Variants in UNC13C observed in about 807,000 individuals in gnomAD.
The protein encoded by UNC13C is unc-13 homolog C.
UNC13C carries 174 observed loss-of-function variants against 245.4 expected under a neutral mutation model. The ratio of observed to expected loss-of-function variants is 0.71; its 90% CI spans 0.63 to 0.80. UNC13C has a LOEUF of 0.80. Ranked by LOEUF, UNC13C falls within the 30% of genes least tolerant of loss-of-function variation. UNC13C has a pLI of 0.00. For synonymous variants in UNC13C, 992 were observed against 895.1 expected, an observed-to-expected ratio of 1.11 and a Z score of -1.93; for missense variants, 2,829 against 2,602.9, an observed-to-expected ratio of 1.09 and a Z score of -1.89.
At chr15:54,507,031 AAGAAGTTAACTT>A (rs1391852312) in intron 22 of UNC13C, 74 bp from the exon 23 acceptor site, 5 of 819,004 alleles carry the variant, frequency 6.1e-6, no homozygotes, top group Non-Finnish European at 9.2e-6. Flanking sequence ...AAAAGACAGC[AAGAAGTTAACTT>A]AGGATTAAAC....
chr15:53,868,993 T>G, the UNC13C span, among the ~76,000 whole-genome samples: 1 of 152,060 alleles, frequency 6.6e-6, no homozygotes, highest in Non-Finnish European at 1.5e-5. Context: ...GCCTGTAGTC[T>G]GGGCTACTCA....
chr15:54,019,953 C>G (rs761577414), intron 2 of UNC13C, among the ~76,000 whole-genome samples: 3 of 152,094 alleles, frequency 2.0e-5, no homozygotes, highest in Non-Finnish European at 4.4e-5. Context: ...TTAAATTACA[C>G]GAGTTACTGA....
intron 13 of UNC13C, among the ~76,000 whole-genome samples, chr15:54,306,108 G>A (rs1256103560): frequency 6.6e-6 from 1 of 151,972 alleles, no homozygotes; most frequent in East Asian, 1.9e-4. Flanking sequence ...CTATTTTGCT[G>A]GTAAACCTGA....
intron 19 of UNC13C, among the ~76,000 whole-genome samples, chr15:54,466,834 A>G (rs1892198519): frequency 6.6e-6 from 1 of 151,946 alleles, no homozygotes; most frequent in Non-Finnish European, 1.5e-5. Flanking sequence ...GAAAAATGTA[A>G]TAAAAGATTA....
At chr15:54,439,149 A>G (rs1890381014) in intron 19 of UNC13C, among the ~76,000 whole-genome samples, 1 of 151,966 alleles carries the variant, frequency 6.6e-6, no homozygotes, top group Non-Finnish European at 1.5e-5. Flanking sequence ...AACTCAACGC[A>G]TCTCTCTCAC....
chr15:53,972,152 A>C, the UNC13C span, among the ~76,000 whole-genome samples: 2 of 152,230 alleles, frequency 1.3e-5, no homozygotes, highest in Non-Finnish European at 2.9e-5. Context: ...GGAGAGAGAA[A>C]AAACGGCAAA....
chr15:54,202,117 G>A (rs770664782), intron 4 of UNC13C, among the ~76,000 whole-genome samples: 45 of 151,916 alleles, frequency 3.0e-4, no homozygotes, highest in Middle Eastern at 3.4e-3. Context: ...AACCAAGAAG[G>A]TGAAAGACCT....
chr15:53,928,330 C>T, the UNC13C span, among the ~76,000 whole-genome samples: 2 of 152,208 alleles, frequency 1.3e-5, no homozygotes, highest in Non-Finnish European at 2.9e-5. Context: ...TAGTTAACTG[C>T]AGCAGGAACA....
Position 54,511,741 on chromosome 15 carries a change from C to A in UNC13C, c.5380-12C>A. On this transcript the variant is annotated splice_polypyrimidine_tract_variant and intron_variant, in intron 23 of 32. Transcript: ENST00000260323. ...AGATTGCTCATAATAGTCTTTTTTT[C>A]TATATTTAAAGCCCTGTATCTTGAT... 6.4e-7 allele frequency: 1 copy of A among 1,571,362 alleles called. No individual in the cohort carries two copies. The highest frequency in any genetic ancestry group is 1.9e-5 in the Admixed American group (1 of 53,804).
chr15:54,473,569 G>A (rs1472749286), intron 19 of UNC13C, among the ~76,000 whole-genome samples: 6 of 151,508 alleles, frequency 4.0e-5, no homozygotes, highest in East Asian at 1.9e-4. Context: ...TGAAATCAGC[G>A]ATTTTAGCTC....
At chr15:54,474,340 A>G (rs1892613631) in intron 19 of UNC13C, among the ~76,000 whole-genome samples, 1 of 151,740 alleles carries the variant, frequency 6.6e-6, no homozygotes, top group South Asian at 2.1e-4. Context: ...AGCATCTGCT[A>G]TTTTTTTCCT....
the UNC13C span, among the ~76,000 whole-genome samples, chr15:53,936,203 T>C: frequency 2.0e-5 from 3 of 152,190 alleles, no homozygotes; most frequent in African/African-American, 7.2e-5. Context: ...TGTAGCCTGC[T>C]GGCTCTGGGG....
At chr15:54,175,619 T>A (rs1232162385) in intron 4 of UNC13C, among the ~76,000 whole-genome samples, 1 of 150,666 alleles carries the variant, frequency 6.6e-6, no homozygotes, top group African/African-American at 2.5e-5. Context: ...TTCACGCCAT[T>A]CTCCTGCCTC....
chr15:54,526,740 G>GAAAAAA (rs1164016477), intron 25 of UNC13C, among the ~76,000 whole-genome samples: 1 of 63,090 alleles, frequency 1.6e-5, no homozygotes, highest in Non-Finnish European at 3.2e-5. Context: ...ACTCCGTCTA[G>GAAAAAA]AAAAAAAAAA....
At chr15:54,451,880 A>G (rs1891199238) in intron 19 of UNC13C, among the ~76,000 whole-genome samples, 1 of 152,142 alleles carries the variant, frequency 6.6e-6, no homozygotes, top group South Asian at 2.1e-4. Flanking sequence ...CTGATATAAC[A>G]GTTGCCTCTT....
At position 54,084,034 on chromosome 15, in the gene UNC13C, T is replaced by C. The variant is rs72740374; in HGVS notation, c.2984-58984T>C. Among the ~76,000 whole-genome samples, 195 of 152,328 alleles carry C rather than the reference T, an allele frequency of 1.3e-3. 4 individuals carry two copies. In the South Asian group the frequency reaches 0.028, roughly 22 times the overall value. ...AGTGCAGGGGGTCTTCCCAACAGTT[T>C]GGCAGGCAGCAGATTGCCACAGAGG... On this transcript the variant is annotated intron_variant, in intron 2 of 32. Transcript: ENST00000260323.
At chr15:54,380,655 G>C (rs1332166751) in intron 17 of UNC13C, among the ~76,000 whole-genome samples, 1 of 152,102 alleles carries the variant, frequency 6.6e-6, no homozygotes, top group Non-Finnish European at 1.5e-5. Context: ...TAGCCATTCT[G>C]ACAAGTGAAA....
rs558887823 is a variant in UNC13C, at chr15:54,395,288, C to A, written c.4847+2107C>A. 1.0e-3 allele frequency among the ~76,000 whole-genome samples: 158 copies of A among 151,958 alleles called. 1 individual carries two copies. Among genetic ancestry groups the A allele is most frequent in the Non-Finnish European group, 1.8e-3 (125 of 67,790 alleles). On this transcript the variant is annotated intron_variant, in intron 18 of 32. Transcript: ENST00000260323. The stretch of plus-strand genomic sequence containing the variant: ...TAATGTGGTGAGATTTCATTTATAT[C>A]TGTTACTTTGTTTGAATACTGCATC...
rs200464857 is a variant in UNC13C at position 54,494,711 on chromosome 15, G to A, written c.5037G>A (p.Lys1679=). ...ATGTGCGTGAACTTCCTGCCTTCAA[G>A]GATGCTGTTCCTGAATACTCCTTGT... is the stretch of plus-strand genomic sequence containing the variant. The part of the protein sequence containing the change: ...NEYVRELPAF[K]DAVPEYSLWF... Residue 1679 remains lysine (K), a synonymous_variant, in exon 20 of 33, where the codon AAG becomes AAA. Transcript: ENST00000260323. The A allele has an allele frequency of 6.2e-7, 1 of 1,610,258 alleles. No homozygotes were observed. Among genetic ancestry groups the A allele is most frequent in the Admixed American group, 1.7e-5 (1 of 59,390 alleles).
Sources: gnomAD v4.1 joint callset for allele counts (sites outside exome capture counted in the v4.1 genomes callset) on GRCh38, gnomAD v4.1.1 for gene constraint, MANE v1.5 for transcripts, NCBI Gene and HGNC (gene_info 2026-07-23, HGNC 2026-07-21) for gene names.